The following ELMO1 variants were observed in gnomAD, a reference collection of about 807,000 sequenced individuals.
ELMO1 encodes engulfment and cell motility 1, also known as engulfment and cell motility protein 1.
In ELMO1, 26 loss-of-function variants were observed where a neutral mutation model predicts 98.9. The observed-to-expected ratio is 0.26, with a 90% CI of 0.19 to 0.36. The LOEUF (loss-of-function observed/expected upper bound fraction) is 0.36, where lower values mean the gene tolerates loss of function less well. Ranked by LOEUF, ELMO1 falls within the 10% of genes least tolerant of loss-of-function variation. ELMO1 has a pLI of 1.00. For missense variants in ELMO1, 627 were observed against 935.2 expected (o/e 0.67, Z 4.30); for synonymous variants, 346 against 346.0 (o/e 1.00, Z 0.00).
chr7:37,249,858 T>C (rs1449148938), intron 6 of ELMO1, among the ~76,000 whole-genome samples: 1 of 152,114 alleles, frequency 6.6e-6, no homozygotes, highest in Non-Finnish European at 1.5e-5. Context: ...GCAGGAGGAT[T>C]ACTTGAGACC....
At chr7:37,175,631 A>G (rs1011772694) in intron 13 of ELMO1, among the ~76,000 whole-genome samples, 8 of 152,198 alleles carry the variant, frequency 5.3e-5, no homozygotes, top group Admixed American at 5.2e-4. Flanking sequence ...AGATTGCCTG[A>G]GCTCAGGAGT....
chr7:37,361,600 G>C (rs991564412), intron 1 of ELMO1, among the ~76,000 whole-genome samples: 3 of 152,162 alleles, frequency 2.0e-5, no homozygotes, highest in Non-Finnish European at 2.9e-5. Context: ...AAAGAAGTCA[G>C]TTATAAAAGA....
intron 8 of ELMO1, among the ~76,000 whole-genome samples, chr7:37,225,850 G>A (rs1329755897): frequency 6.6e-6 from 1 of 152,164 alleles, no homozygotes; most frequent in Non-Finnish European, 1.5e-5. Flanking sequence ...CTCATTAAAA[G>A]TTATTACTGT....
intron 15 of ELMO1, among the ~76,000 whole-genome samples, chr7:37,029,362 T>C (rs1453311618): frequency 6.6e-6 from 1 of 151,994 alleles, no homozygotes; most frequent in African/African-American, 2.4e-5. Flanking sequence ...AGCCAAATTA[T>C]ATCAGTTTGA....
intron 2 of ELMO1, among the ~76,000 whole-genome samples, chr7:37,340,296 T>A (rs1317771540): frequency 6.6e-6 from 1 of 152,046 alleles, no homozygotes; most frequent in African/African-American, 2.4e-5. Flanking sequence ...TGTTCAGGGG[T>A]GAAGGGGGAT....
chr7:37,425,595 G>A (rs1315390083), intron 1 of ELMO1, among the ~76,000 whole-genome samples: 3 of 152,222 alleles, frequency 2.0e-5, no homozygotes, highest in Non-Finnish European at 2.9e-5. Context: ...ATTAATTAAT[G>A]ACATAAGCTC....
At chr7:37,088,797 TCTC>T (rs1476569469) in intron 15 of ELMO1, among the ~76,000 whole-genome samples, 1 of 152,262 alleles carries the variant, frequency 6.6e-6, no homozygotes, top group Non-Finnish European at 1.5e-5. Context: ...TTTTATGCTC[TCTC>T]CTATGATGAT....
intron 14 of ELMO1, among the ~76,000 whole-genome samples, chr7:37,129,728 G>C (rs1786776716): frequency 6.6e-6 from 1 of 152,108 alleles, no homozygotes; most frequent in African/African-American, 2.4e-5. Context: ...TTTGCCTCTG[G>C]TCTTGATTTC....
At chr7:37,080,242 T>C (rs1197474882) in intron 15 of ELMO1, among the ~76,000 whole-genome samples, 1 of 152,218 alleles carries the variant, frequency 6.6e-6, no homozygotes, top group Non-Finnish European at 1.5e-5. Flanking sequence ...TTGCTTATTG[T>C]AGTGGGGTAT....
chr7:36,904,903 C>A (rs1210356256), intron 16 of ELMO1, among the ~76,000 whole-genome samples: 2 of 152,192 alleles, frequency 1.3e-5, no homozygotes, highest in East Asian at 3.9e-4. Flanking sequence ...TGAAATACAG[C>A]AATTGGGCTA....
intron 13 of ELMO1, among the ~76,000 whole-genome samples, chr7:37,136,409 C>T (rs1435643654): frequency 6.6e-6 from 1 of 152,152 alleles, no homozygotes; most frequent in Non-Finnish European, 1.5e-5. Flanking sequence ...ACATCATCAC[C>T]TAGGCACATA....
chr7:37,085,950 G>A (rs1278469903), intron 15 of ELMO1, among the ~76,000 whole-genome samples: 1 of 152,224 alleles, frequency 6.6e-6, no homozygotes, highest in Non-Finnish European at 1.5e-5. Flanking sequence ...CACTAGCATT[G>A]GAAAAGACCA....
intron 13 of ELMO1, among the ~76,000 whole-genome samples, chr7:37,160,641 C>G (rs1789135620): frequency 1.3e-5 from 2 of 152,102 alleles, no homozygotes; most frequent in African/African-American, 4.8e-5. Context: ...AGTCAAAGGA[C>G]AGCTCAAAAG....
intron 16 of ELMO1, among the ~76,000 whole-genome samples, chr7:36,959,576 G>A (rs1170949931): frequency 6.6e-6 from 1 of 152,150 alleles, no homozygotes; most frequent in Non-Finnish European, 1.5e-5. Flanking sequence ...GTGAGGGGAG[G>A]GGCTTTCCCT....
intron 1 of ELMO1, among the ~76,000 whole-genome samples, chr7:37,417,735 G>A (rs934241297): frequency 1.3e-5 from 2 of 151,778 alleles, no homozygotes; most frequent in Admixed American, 6.6e-5. Flanking sequence ...CCAGCTACTC[G>A]GGAGGCTGAG....
chr7:37,228,212 G>A (rs1314251875), intron 8 of ELMO1, among the ~76,000 whole-genome samples: 7 of 152,160 alleles, frequency 4.6e-5, no homozygotes, highest in Admixed American at 6.5e-5. Context: ...AATAACTGTC[G>A]TCCTCCAGGG....
chr7:36,938,659 T>G (rs1006116012), intron 16 of ELMO1, among the ~76,000 whole-genome samples: 1 of 152,234 alleles, frequency 6.6e-6, no homozygotes, highest in African/African-American at 2.4e-5. Context: ...ACTTTTTAAT[T>G]AACTAATCAG....
At chr7:37,215,006 A>C (rs1793200790) in intron 11 of ELMO1, among the ~76,000 whole-genome samples, 1 of 152,206 alleles carries the variant, frequency 6.6e-6, no homozygotes, top group African/African-American at 2.4e-5. Flanking sequence ...CTGCTTCTAC[A>C]TTTACTGAGA....
At chr7:37,090,499 C>T (rs949515191) in intron 15 of ELMO1, among the ~76,000 whole-genome samples, 1 of 152,214 alleles carries the variant, frequency 6.6e-6, no homozygotes, top group Non-Finnish European at 1.5e-5. Flanking sequence ...CTGCTAGCAC[C>T]TCTGCCCTTT....
Sources: allele counts gnomAD v4.1 joint callset (sites outside exome capture counted in the v4.1 genomes callset), GRCh38; gene constraint gnomAD v4.1.1; transcripts MANE v1.5; gene names NCBI Gene and HGNC (gene_info 2026-07-23, HGNC 2026-07-21).